The following ASTN2 variants were observed in gnomAD, a reference collection of about 807,000 sequenced individuals.
ASTN2 encodes astrotactin 2, also known as astrotactin-2.
In ASTN2, 54 loss-of-function variants were observed where a neutral mutation model predicts 139.8. The observed-to-expected ratio is 0.39, with a 90% CI of 0.31 to 0.48. The LOEUF (loss-of-function observed/expected upper bound fraction) is 0.48. Among genes scored for constraint, ASTN2 ranks in the 20% least tolerant of loss-of-function variants. The pLI is 0.95. For missense variants in ASTN2, 1,565 were observed against 1,725.1 expected, an observed-to-expected ratio of 0.91 and a Z score of 1.64; for synonymous variants, 756 against 719.5, an observed-to-expected ratio of 1.05 and a Z score of -0.81.
chr9:116,470,441 C>G (rs2119006324), intron 20 of ASTN2, among the ~76,000 whole-genome samples: 1 of 152,218 alleles, frequency 6.6e-6, no homozygotes, highest in Non-Finnish European at 1.5e-5. Flanking sequence ...CATCCTGGCT[C>G]TGCTACTGAC....
chr9:116,582,947 T>C (rs1854010235), intron 19 of ASTN2: 1 of 152,242 alleles, frequency 6.6e-6, no homozygotes, highest in Admixed American at 6.5e-5. Flanking sequence ...AAGTGCTGAC[T>C]ATGTGCCAGA....
intron 10 of ASTN2, among the ~76,000 whole-genome samples, chr9:116,867,728 T>C (rs1280294849): frequency 6.6e-6 from 1 of 152,130 alleles, no homozygotes; most frequent in Non-Finnish European, 1.5e-5. Flanking sequence ...TTTAAAAGGA[T>C]TGATTCTGCA....
At chr9:117,124,808 GAAA>G (rs56107557) in intron 4 of ASTN2, among the ~76,000 whole-genome samples, 42 of 130,032 alleles carry the variant, frequency 3.2e-4, no homozygotes, top group African/African-American at 1.0e-3. Flanking sequence ...CTGCCACCAT[GAAA>G]AAAAAAAAAA....
At chr9:116,481,805 T>C (rs978931497) in intron 20 of ASTN2, among the ~76,000 whole-genome samples, 2 of 152,320 alleles carry the variant, frequency 1.3e-5, no homozygotes, top group East Asian at 1.9e-4. Flanking sequence ...CCTAGTATTC[T>C]TTCCATTGCA....
At chr9:117,358,868 G>A (rs950941460) in intron 1 of ASTN2, among the ~76,000 whole-genome samples, 2 of 151,930 alleles carry the variant, frequency 1.3e-5, no homozygotes, top group African/African-American at 4.8e-5. Flanking sequence ...ATTCATCCTT[G>A]AGAACTTCCC....
Position 116,926,894 on chromosome 9 carries a change from T to C in ASTN2, c.1889+48314A>G, listed in dbSNP as rs535621918. Reference sequence around the variant, plus strand: ...TTAGTTGCATGCAATTAAATATATATGAGGGAGAGGGCCATCAGGAGATTA... The same window carrying C: ...TTAGTTGCATGCAATTAAATATATACGAGGGAGAGGGCCATCAGGAGATTA... On this transcript the variant is annotated intron_variant, in intron 10 of 22. Transcript: ENST00000313400. 5.9e-5 allele frequency among the ~76,000 whole-genome samples: 9 copies of C among 152,232 alleles called. No homozygotes were observed. In the East Asian group the frequency reaches 1.7e-3, roughly 29 times the overall value.
chr9:116,801,402 G>T (rs1054328447), intron 13 of ASTN2, among the ~76,000 whole-genome samples: 1 of 151,696 alleles, frequency 6.6e-6, no homozygotes, highest in African/African-American at 2.4e-5. Flanking sequence ...CTAACACAGC[G>T]AAACCCCGTC....
At chr9:116,507,952 C>T (rs1850182992) in intron 19 of ASTN2, among the ~76,000 whole-genome samples, 1 of 152,078 alleles carries the variant, frequency 6.6e-6, no homozygotes, top group Non-Finnish European at 1.5e-5. Context: ...ACAATGGTGT[C>T]ATCTTGGCTC....
chr9:116,768,497 A>C (rs1829871088), intron 13 of ASTN2, among the ~76,000 whole-genome samples: 1 of 152,078 alleles, frequency 6.6e-6, no homozygotes, highest in Admixed American at 6.5e-5. Context: ...TTTCCAAATA[A>C]TCTTTCTGAG....
At chr9:117,058,694 G>T (rs1354926064) in intron 5 of ASTN2, among the ~76,000 whole-genome samples, 1 of 152,192 alleles carries the variant, frequency 6.6e-6, no homozygotes, top group Non-Finnish European at 1.5e-5. Flanking sequence ...GATACTGCTA[G>T]GCACAGGGAG....
chr9:116,651,352 T>C (rs191120273), intron 17 of ASTN2, among the ~76,000 whole-genome samples, 176 bp downstream of exon 17: 63 of 152,326 alleles, frequency 4.1e-4, no homozygotes, highest in Admixed American at 4.6e-4. Flanking sequence ...ACAGCTAGTA[T>C]TGTCAAACTA....
intron 3 of ASTN2, among the ~76,000 whole-genome samples, chr9:117,150,228 C>T (rs917540026): frequency 2.0e-5 from 3 of 152,198 alleles, no homozygotes; most frequent in Non-Finnish European, 4.4e-5. Flanking sequence ...GTTCCATCAT[C>T]CTGTGTTCCT....
intron 11 of ASTN2, among the ~76,000 whole-genome samples, chr9:116,859,409 A>C (rs1241906312): frequency 1.3e-5 from 2 of 152,228 alleles, no homozygotes; most frequent in African/African-American, 4.8e-5. Flanking sequence ...AAAGCTGAGC[A>C]AAAATATGTC....
intron 20 of ASTN2, among the ~76,000 whole-genome samples, chr9:116,446,776 T>C (rs2118902327): frequency 6.6e-6 from 1 of 152,332 alleles, no homozygotes; most frequent in Non-Finnish European, 1.5e-5. Flanking sequence ...GAGTCCCAGC[T>C]TGTCCACAGA....
chr9:116,722,407 C>T (rs1192268634), intron 16 of ASTN2, among the ~76,000 whole-genome samples: 1 of 152,216 alleles, frequency 6.6e-6, no homozygotes, highest in Admixed American at 6.5e-5. Context: ...TAATCAGGCA[C>T]ATTCACCCCA....
At chr9:117,216,275 GACCCT>G (rs1832316578) in intron 2 of ASTN2, among the ~76,000 whole-genome samples, 2 of 152,208 alleles carry the variant, frequency 1.3e-5, no homozygotes, top group Non-Finnish European at 2.9e-5. Flanking sequence ...CTATTTGCAA[GACCCT>G]CAGCTCACTA....
At chr9:117,286,587 T>C (rs969603346) in intron 2 of ASTN2, among the ~76,000 whole-genome samples, 4 of 152,162 alleles carry the variant, frequency 2.6e-5, no homozygotes, top group Non-Finnish European at 5.9e-5. Flanking sequence ...AGCTGGCAAA[T>C]AGTTAGGGGC....
chr9:116,555,592 C>T (rs562220037), intron 19 of ASTN2, among the ~76,000 whole-genome samples: 29 of 152,276 alleles, frequency 1.9e-4, no homozygotes, highest in Admixed American at 1.8e-3. Flanking sequence ...TGAAGCTGAC[C>T]TCTGGGAAAG....
intron 13 of ASTN2, among the ~76,000 whole-genome samples, chr9:116,740,853 C>T (rs988784062): frequency 6.0e-5 from 9 of 151,068 alleles, no homozygotes; most frequent in African/African-American, 1.9e-4. Context: ...TCCTGAATCC[C>T]ATACTAGATT....
Sources: gnomAD v4.1 joint callset for allele counts (sites outside exome capture counted in the v4.1 genomes callset) on GRCh38, gnomAD v4.1.1 for gene constraint, MANE v1.5 for transcripts, NCBI Gene and HGNC (gene_info 2026-07-23, HGNC 2026-07-21) for gene names.